The following DGKI variants were observed in gnomAD, a reference collection of about 807,000 sequenced individuals.
DGKI encodes the protein DAG kinase iota.
Under a neutral mutation model 147.5 loss-of-function variants are expected in DGKI, and 55 were observed. The ratio of observed to expected loss-of-function variants is 0.37; its 90% CI spans 0.30 to 0.47. DGKI has a LOEUF of 0.47. Among genes scored for constraint, DGKI ranks in the 20% least tolerant of loss-of-function variants. The probability of loss-of-function intolerance (pLI) is 1.00; values close to 1 mark genes in which losing one functional copy is unlikely to be tolerated. For missense variants in DGKI, 1,007 were observed against 1,323.8 expected (o/e 0.76, Z 3.71); for synonymous variants, 469 against 477.1 (o/e 0.98, Z 0.22).
intron 1 of DGKI, among the ~76,000 whole-genome samples, chr7:137,749,735 A>G (rs1216563007): frequency 6.6e-6 from 1 of 152,176 alleles, no homozygotes; most frequent in Non-Finnish European, 1.5e-5. Context: ...TCAAAATTCA[A>G]TTCTGATTCC....
At chr7:137,517,317 AAGAAAGAAAGAAAGAAAGAAAG>A (rs1585190858) in intron 21 of DGKI, among the ~76,000 whole-genome samples, 8 of 134,420 alleles carry the variant, frequency 6.0e-5, no homozygotes, top group Admixed American at 2.9e-4. Flanking sequence ...GAAAGAAAGA[AAGAAAGAAAGAAAGAAAGAAAG>A]AGAAAGAAAG....
At chr7:137,550,145 G>A (rs570933158) in intron 20 of DGKI, among the ~76,000 whole-genome samples, 215 of 151,164 alleles carry the variant, frequency 1.4e-3, no homozygotes, top group Non-Finnish European at 2.4e-3. Flanking sequence ...CAGTTTTGGG[G>A]TGTGTTGTTG....
chr7:137,507,614 C>T (rs917135294), intron 21 of DGKI, among the ~76,000 whole-genome samples: 5 of 152,174 alleles, frequency 3.3e-5, no homozygotes, highest in Non-Finnish European at 5.9e-5. Context: ...ATATTTTTCA[C>T]GTCTATAAGT....
intron 3 of DGKI, among the ~76,000 whole-genome samples, chr7:137,671,953 T>C (rs1446406835): frequency 1.2e-4 from 19 of 152,192 alleles, no homozygotes. Context: ...GAGGGTGGCA[T>C]GCTCACATTT....
chr7:137,459,124 C>T (rs1814319290), intron 27 of DGKI, among the ~76,000 whole-genome samples: 1 of 152,152 alleles, frequency 6.6e-6, no homozygotes, highest in Non-Finnish European at 1.5e-5. Flanking sequence ...TAAATGGAAA[C>T]ATTTAAAATA....
chr7:137,782,700 A>C (rs1354439166), intron 1 of DGKI, among the ~76,000 whole-genome samples: 1 of 152,228 alleles, frequency 6.6e-6, no homozygotes, highest in Admixed American at 6.5e-5. Context: ...AAACCAGTGC[A>C]CTAAACAAAA....
intron 3 of DGKI, 124 bp downstream of exon 3, chr7:137,678,433 G>A (rs1388705993): frequency 2.6e-5 from 22 of 861,022 alleles, no homozygotes; most frequent in East Asian, 9.8e-5. Flanking sequence ...GAAAACATCC[G>A]GAAAGTTTTC....
chr7:137,493,237 C>A (rs1815836571), intron 21 of DGKI, among the ~76,000 whole-genome samples: 1 of 152,080 alleles, frequency 6.6e-6, no homozygotes, highest in Non-Finnish European at 1.5e-5. Context: ...TGAATGCACA[C>A]ATGGAGACCA....
At chr7:137,808,178 T>C (rs1244593447) in intron 1 of DGKI, among the ~76,000 whole-genome samples, 3 of 152,214 alleles carry the variant, frequency 2.0e-5, no homozygotes, top group African/African-American at 7.2e-5. Context: ...ACCAATATTT[T>C]TCCAGTAAAA....
intron 1 of DGKI, chr7:137,722,902 A>AAAAG: frequency 1.3e-6 from 1 of 755,766 alleles, no homozygotes; most frequent in East Asian, 2.6e-5. Flanking sequence ...AAAAAAAAAA[A>AAAAG]AGTATAGCAT....
At chr7:137,555,288 G>A (rs534031700) in intron 19 of DGKI, among the ~76,000 whole-genome samples, 7 of 151,840 alleles carry the variant, frequency 4.6e-5, no homozygotes, top group Non-Finnish European at 8.8e-5. Flanking sequence ...CACTTTGGGA[G>A]GCCAAAGTGG....
At chr7:137,608,626 C>G (rs1820262210) in intron 10 of DGKI, among the ~76,000 whole-genome samples, 1 of 152,076 alleles carries the variant, frequency 6.6e-6, no homozygotes, top group African/African-American at 2.4e-5. Context: ...GATGAAGGGC[C>G]TCCTAACTAT....
intron 14 of DGKI, 126 bp downstream of exon 14, chr7:137,585,083 A>C (rs2128982845): frequency 1.8e-6 from 2 of 1,114,794 alleles, no homozygotes; most frequent in Non-Finnish European, 2.6e-6. Context: ...GTAGCCATCA[A>C]CTCAAATATT....
chr7:137,526,735 T>C (rs1305172195), intron 20 of DGKI, among the ~76,000 whole-genome samples: 1 of 152,182 alleles, frequency 6.6e-6, no homozygotes. Flanking sequence ...CTGTAGATGT[T>C]GCCAATAGCT....
intron 1 of DGKI, among the ~76,000 whole-genome samples, chr7:137,809,729 C>T (rs909021111): frequency 6.6e-6 from 1 of 152,040 alleles, no homozygotes; most frequent in African/African-American, 2.4e-5. Context: ...CATGGCAAAA[C>T]CCTGTCTCTA....
chr7:137,400,497 T>C (rs1300671544), intron 30 of DGKI, among the ~76,000 whole-genome samples: 1 of 152,192 alleles, frequency 6.6e-6, no homozygotes, highest in Non-Finnish European at 1.5e-5. Context: ...CTCAAGGCTT[T>C]TAATTGAGCT....
intron 1 of DGKI, among the ~76,000 whole-genome samples, chr7:137,816,796 C>T (rs892833786): frequency 1.3e-5 from 2 of 152,130 alleles, no homozygotes; most frequent in African/African-American, 4.8e-5. Context: ...AAAGAAGGAA[C>T]TTTTGAGTTA....
At chr7:137,545,927 A>T (rs1817848838) in intron 20 of DGKI, 2 of 702,430 alleles carry the variant, frequency 2.8e-6, no homozygotes, top group African/African-American at 3.5e-5. Flanking sequence ...GGGAGCAGAC[A>T]CTCGCCGCAG....
chr7:137,649,203 G>A (rs937673590), intron 5 of DGKI, among the ~76,000 whole-genome samples: 1 of 152,160 alleles, frequency 6.6e-6, no homozygotes, highest in African/African-American at 2.4e-5. Context: ...CCATGGAGGA[G>A]GGGAGGATCA....
Sources: allele counts gnomAD v4.1 joint callset (sites outside exome capture counted in the v4.1 genomes callset), GRCh38; gene constraint gnomAD v4.1.1; transcripts MANE v1.5; gene names NCBI Gene and HGNC (gene_info 2026-07-23, HGNC 2026-07-21).